Variants in ANKRD27 observed in about 807,000 individuals in gnomAD.
ANKRD27 encodes ankyrin repeat domain 27, also known as ankyrin repeat domain-containing protein 27.
Under a neutral mutation model 129.7 loss-of-function variants are expected in ANKRD27, and 112 were observed. The ratio of observed to expected loss-of-function variants is 0.86; its 90% CI spans 0.74 to 1.01. ANKRD27 has a LOEUF of 1.01. Among genes scored for constraint, ANKRD27 ranks in the 50% least tolerant of loss-of-function variants. The pLI, the probability that ANKRD27 is intolerant of heterozygous loss-of-function variation, is 0.00. For synonymous variants in ANKRD27, 516 were observed against 511.2 expected (o/e 1.01, Z -0.13); for missense variants, 1,258 against 1,300.5 (o/e 0.97, Z 0.50).
intron 22 of ANKRD27, among the ~76,000 whole-genome samples, chr19:32,611,231 G>A (rs1971830890): frequency 6.6e-6 from 1 of 152,156 alleles, no homozygotes; most frequent in Non-Finnish European, 1.5e-5. Context: ...AAAAACAGCA[G>A]CAGCGGAGAT....
At position 32,625,869 on chromosome 19, in the gene ANKRD27, C is replaced by T; in HGVS notation, c.1629+5G>A. ...AGCCCCCCCGGAACAGCAAGAGCCA[C>T]TCACGTCCTCGTGGCCGTAGGTGCA... On this transcript the variant is annotated splice_donor_5th_base_variant and intron_variant, in intron 17 of 28. Coordinates refer to ENST00000306065, the MANE Select transcript of ANKRD27 (RefSeq NM_032139.3). 3 of 1,587,494 alleles carry T rather than the reference C, an allele frequency of 1.9e-6. No individual in the cohort carries two copies. The highest frequency in any genetic ancestry group is 2.6e-6 in the Non-Finnish European group (3 of 1,169,622).
chr19:32,671,854 G>T (rs2145332306), intron 1 of ANKRD27, among the ~76,000 whole-genome samples: 1 of 152,202 alleles, frequency 6.6e-6, no homozygotes, highest in East Asian at 1.9e-4. Flanking sequence ...AAAATGTACA[G>T]AAAATCCAGT....
chr19:32,598,046 C>T lies in ANKRD27; in HGVS notation c.*99G>A. The T allele has an allele frequency of 8.7e-7, 1 of 1,153,546 alleles. No homozygotes were observed. Among genetic ancestry groups the T allele is most frequent in the South Asian group, 1.4e-5 (1 of 72,940 alleles). 71.5% of individuals were successfully genotyped at this position (1,153,546 alleles called of 1,614,324 possible). On this transcript the variant is annotated 3_prime_UTR_variant, in exon 29 of 29. Transcript: ENST00000306065. ...GGTGCTGAAGACTTCTCAAGCCAGT[C>T]TCATGGAAGCACATTTAGTTCTCAG...
At chr19:32,674,842 G>T (rs567240840) in intron 1 of ANKRD27, among the ~76,000 whole-genome samples, 440 of 152,144 alleles carry the variant, frequency 2.9e-3, no homozygotes, top group Non-Finnish European at 5.4e-3. Context: ...CCCTCCTCCA[G>T]ACCCGAGGGG....
chr19:32,599,465 T>A (rs773283731), intron 28 of ANKRD27, among the ~76,000 whole-genome samples: 5 of 152,312 alleles, frequency 3.3e-5, no homozygotes, highest in South Asian at 2.1e-4. Context: ...AGACCTGTGG[T>A]TTCCCACACA....
chr19:32,633,331 G>T lies in ANKRD27; in HGVS notation c.1117-1837C>A, dbSNP rs1173054915. 1.3e-4 allele frequency among the ~76,000 whole-genome samples: 16 copies of T among 122,214 alleles called. No homozygotes were observed. The East Asian group carries it at 3.2e-3, about 25-fold the overall frequency. The allele number at this position is 122,214 out of a possible 152,430, so 80.2% of individuals were successfully genotyped here. ...CAGGTTCTTTCTTGTTTTTTTATCT[G>T]TTTTTTTTTTTTTTTTTTTGAGACG... On this transcript the variant is annotated intron_variant, in intron 12 of 28. Transcript: ENST00000306065.
chr19:32,646,471 T>C lies in ANKRD27; in HGVS notation c.358A>G (p.Arg120Gly), dbSNP rs777890754. 10 of 1,605,908 alleles carry C rather than the reference T, an allele frequency of 6.2e-6. No homozygotes were observed. The South Asian group carries it at 1.1e-4, about 18-fold the overall frequency. ...ILCIAHPLEK[R>G]ESSEEPLAPS... ...TCTCCCAGAATACCTGAACTCTCTC[T>C]CTTTTCCAAAGGATGGGCTATACAC... Residue 120 changes from arginine to glycine, a missense_variant, in exon 4 of 29, where the codon AGA (arginine) becomes GGA (glycine). Coordinates refer to ENST00000306065, the MANE Select transcript of ANKRD27 (RefSeq NM_032139.3).
At chr19:32,635,961 G>A (rs1967080157) in intron 12 of ANKRD27, 1 of 152,338 alleles carries the variant, frequency 6.6e-6, no homozygotes, top group South Asian at 2.1e-4. Flanking sequence ...GGAAGGCATT[G>A]TACTGCTACA....
At chr19:32,661,747 G>C (rs796978119) in intron 1 of ANKRD27, among the ~76,000 whole-genome samples, 3 of 152,126 alleles carry the variant, frequency 2.0e-5, no homozygotes, top group African/African-American at 7.2e-5. Context: ...TCCCATGGTC[G>C]GCCCTGTGGA....
chr19:32,606,061 A>C, intron 23 of ANKRD27, 107 bp from the exon 24 acceptor site: 3 of 1,042,210 alleles, frequency 2.9e-6, no homozygotes, highest in Non-Finnish European at 3.9e-6. Flanking sequence ...TAAGAAAACA[A>C]AGTTTCTGGA....
chr19:32,597,321 C>CTGTT lies in ANKRD27; in HGVS notation c.*820_*823dup. 1 of 152,442 alleles carries CTGTT rather than the reference C, an allele frequency of 6.6e-6. No homozygotes were observed. The highest frequency in any genetic ancestry group is 1.9e-4 in the East Asian group (1 of 5,192). The allele number at this position is 152,442 out of a possible 1,614,324, so 9.4% of individuals were successfully genotyped here. On this transcript the variant is annotated 3_prime_UTR_variant, in exon 29 of 29. Coordinates refer to ENST00000306065, the MANE Select transcript of ANKRD27 (RefSeq NM_032139.3). ...GAAAGTAACTCTGACCTGGTTTGTG[C>CTGTT]TGTTAAGTTTTGAATTTGAATCAAA...
chr19:32,646,709 C>T lies in ANKRD27; in HGVS notation c.214-94G>A, dbSNP rs149166944. ...CGATGCAGCACTTAACCAGACCCTA[C>T]GGCCTTCACCCCATTGTGGGTTTGC... On this transcript the variant is annotated intron_variant, in intron 3 of 28. Coordinates refer to ENST00000306065, the MANE Select transcript of ANKRD27 (RefSeq NM_032139.3). 1.3e-4 allele frequency: 169 copies of T among 1,349,120 alleles called. 1 individual carries two copies. In the Middle Eastern group the frequency reaches 3.0e-3, roughly 24 times the overall value. The allele number at this position is 1,349,120 out of a possible 1,614,324, so 83.6% of individuals were successfully genotyped here.
At position 32,643,498 on chromosome 19, in the gene ANKRD27, A is replaced by G. The variant is rs1330300975; in HGVS notation, c.586-14T>C. 2 of 1,613,870 alleles carry G rather than the reference A, an allele frequency of 1.2e-6. No individual in the cohort carries two copies. Among genetic ancestry groups the G allele is most frequent in the Non-Finnish European group, 1.7e-6 (2 of 1,179,986 alleles). On this transcript the variant is annotated splice_polypyrimidine_tract_variant and intron_variant, in intron 6 of 28. Coordinates refer to ENST00000306065, the MANE Select transcript of ANKRD27 (RefSeq NM_032139.3). ...GGCGAGCATTTTCTAGAGGGCAAGA[A>G]AAGCACAGTGAAAGGGCTTGGATTT...
intron 24 of ANKRD27, 123 bp downstream of exon 24, chr19:32,605,710 CCA>C: frequency 7.4e-7 from 1 of 1,350,792 alleles, no homozygotes; most frequent in Non-Finnish European, 1.0e-6. Flanking sequence ...GCTCCTCTCC[CCA>C]GAGGCCTGGG....
intron 9 of ANKRD27, among the ~76,000 whole-genome samples, chr19:32,642,468 A>C (rs1967220518): frequency 6.6e-6 from 1 of 152,188 alleles, no homozygotes; most frequent in African/African-American, 2.4e-5. Context: ...GGCTCGGCGC[A>C]GTGGCTCACG....
At chr19:32,662,311 CAAAAA>C (rs34066529) in intron 1 of ANKRD27, among the ~76,000 whole-genome samples, 2 of 38,006 alleles carry the variant, frequency 5.3e-5, no homozygotes, top group African/African-American at 2.2e-4. Context: ...ACTCAGTCTC[CAAAAA>C]AAAAAAAAAA....
At chr19:32,653,434 G>C (rs1420402601) in intron 2 of ANKRD27, among the ~76,000 whole-genome samples, 2 of 152,140 alleles carry the variant, frequency 1.3e-5, no homozygotes, top group Non-Finnish European at 2.9e-5. Flanking sequence ...GGGAAACCTG[G>C]AGGACTTTCA....
rs780530992 is a variant in ANKRD27, at chr19:32,615,740, T to A, written c.2093A>T (p.Asp698Val). 11 of 1,614,032 alleles carry A rather than the reference T, an allele frequency of 6.8e-6. No homozygotes were observed. In the South Asian group the frequency reaches 1.2e-4, roughly 18 times the overall value. Residue 698 changes from aspartate to valine, a missense_variant, in exon 22 of 29, where the codon GAT becomes GTT. Physicochemically the swap from Asp to Val is radical, Grantham distance 152 (BLOSUM62 -3). Coordinates refer to ENST00000306065, the MANE Select transcript of ANKRD27 (RefSeq NM_032139.3). ...CGCTGCACTGACAGTGTCCTCCGCA[T>A]CCTCCAGGTCCTCCTCTGTCCATTC... ...LLEWTEEDLE[D>V]AEDTVSAADP...
chr19:32,601,439 C>CA (rs1304062337), intron 26 of ANKRD27, among the ~76,000 whole-genome samples: 4 of 151,790 alleles, frequency 2.6e-5, no homozygotes, highest in East Asian at 1.9e-4. Flanking sequence ...ACTAAAAATA[C>CA]AAAAACAAAA....
Sources: gnomAD v4.1 joint callset for allele counts (sites outside exome capture counted in the v4.1 genomes callset) on GRCh38, gnomAD v4.1.1 for gene constraint, MANE v1.5 for transcripts, NCBI Gene and HGNC (gene_info 2026-07-23, HGNC 2026-07-21) for gene names.